The following MRPS9 variants were observed in gnomAD, a reference collection of about 807,000 sequenced individuals.
MRPS9 encodes small ribosomal subunit protein uS9m.
A neutral mutation model predicts 59.9 loss-of-function variants in MRPS9; 45 were observed. The observed-to-expected ratio is 0.75, with a 90% CI of 0.59 to 0.96. The LOEUF is 0.96. Ranked by LOEUF, MRPS9 falls within the 40% of genes least tolerant of loss-of-function variation. The pLI, the probability that MRPS9 is intolerant of heterozygous loss-of-function variation, is 0.00. For missense variants in MRPS9, 473 were observed against 481.1 expected (o/e 0.98, Z 0.16); for synonymous variants, 171 against 166.8 (o/e 1.03, Z -0.19).
At chr2:105,097,995 G>A (rs1169159090) in intron 10 of MRPS9, among the ~76,000 whole-genome samples, 1 of 152,146 alleles carries the variant, frequency 6.6e-6, no homozygotes, top group Non-Finnish European at 1.5e-5. Context: ...ACCACACCTG[G>A]CCTGTCATAG....
At chr2:105,069,268 G>A (rs1010290327) in intron 2 of MRPS9, among the ~76,000 whole-genome samples, 2 of 145,874 alleles carry the variant, frequency 1.4e-5, no homozygotes, top group Non-Finnish European at 3.0e-5. Flanking sequence ...AGGCTGGCGT[G>A]CAATGGCGCG....
At chr2:105,089,730 G>C (rs971302052) in intron 6 of MRPS9, among the ~76,000 whole-genome samples, 190 bp from the exon 7 acceptor site, 1 of 152,144 alleles carries the variant, frequency 6.6e-6, no homozygotes, top group Non-Finnish European at 1.5e-5. Flanking sequence ...TGCTAGAGTA[G>C]ATACCTTTTC....
chr2:105,075,773 C>G (rs538576874), intron 4 of MRPS9, among the ~76,000 whole-genome samples: 1 of 151,808 alleles, frequency 6.6e-6, no homozygotes, highest in Non-Finnish European at 1.5e-5. Context: ...TAAAACATTT[C>G]AATAAAAAAG....
chr2:105,065,251 G>A (rs1275412913), intron 2 of MRPS9, among the ~76,000 whole-genome samples: 1 of 152,170 alleles, frequency 6.6e-6, no homozygotes, highest in Non-Finnish European at 1.5e-5. Flanking sequence ...CAGTGAAGAA[G>A]TGAATCTGTT....
At chr2:105,056,314 A>G (rs1376851433) in intron 2 of MRPS9, among the ~76,000 whole-genome samples, 1 of 152,028 alleles carries the variant, frequency 6.6e-6, no homozygotes, top group Non-Finnish European at 1.5e-5. Context: ...TTAGTAGGAT[A>G]TAGTGAGTAT....
chr2:105,078,748 A>G (rs1188083418), intron 4 of MRPS9, among the ~76,000 whole-genome samples: 2 of 152,246 alleles, frequency 1.3e-5, no homozygotes, highest in Admixed American at 6.5e-5. Context: ...AAAAAACTGT[A>G]GAGAGATAAT....
chr2:105,064,593 A>C (rs6746737), intron 2 of MRPS9, among the ~76,000 whole-genome samples: 32,890 of 152,102 alleles, frequency 0.22, 3,621 homozygotes, highest in Middle Eastern at 0.35. Context: ...GCGATGTGGA[A>C]GCTGAAGGCA....
At chr2:105,085,662 A>G (rs1186553306) in intron 5 of MRPS9, among the ~76,000 whole-genome samples, 2 of 152,190 alleles carry the variant, frequency 1.3e-5, no homozygotes, top group South Asian at 4.1e-4. Context: ...CTCATACATT[A>G]TGGAAATCTG....
intron 10 of MRPS9, 34 bp downstream of exon 10, chr2:105,097,358 A>T (rs768647059): frequency 3.3e-6 from 5 of 1,528,476 alleles, no homozygotes; most frequent in Non-Finnish European, 4.4e-6. Context: ...ATGGTGGCCC[A>T]ATACTGGCTA....
At chr2:105,054,052 T>A (rs1679756952) in intron 2 of MRPS9, among the ~76,000 whole-genome samples, 1 of 152,202 alleles carries the variant, frequency 6.6e-6, no homozygotes, top group Non-Finnish European at 1.5e-5. Flanking sequence ...GTTGAAATGA[T>A]CTTGTAGAAA....
chr2:105,047,657 G>A (rs184525922), intron 1 of MRPS9, among the ~76,000 whole-genome samples: 1 of 152,168 alleles, frequency 6.6e-6, no homozygotes, highest in East Asian at 1.9e-4. Flanking sequence ...CTACAGGTTT[G>A]AGATCTTAAG....
chr2:105,085,455 A>G (rs1442393975), intron 5 of MRPS9, among the ~76,000 whole-genome samples: 1 of 152,154 alleles, frequency 6.6e-6, no homozygotes, highest in African/African-American at 2.4e-5. Flanking sequence ...GACTTTTTCT[A>G]TATCACCTCC....
chr2:105,060,017 TAAA>T (rs10547330), intron 2 of MRPS9, among the ~76,000 whole-genome samples: 20 of 100,584 alleles, frequency 2.0e-4, no homozygotes, highest in African/African-American at 4.8e-4. Context: ...GGAAAACTGC[TAAA>T]AAAAAAAAAA....
At position 105,081,901 on chromosome 2, in the gene MRPS9, C is replaced by T. The variant is rs573123298; in HGVS notation, c.489+1839C>T. On this transcript the variant is annotated intron_variant, in intron 5 of 10. Transcript: ENST00000258455. ...GTGTCATTAATTACAGCTGCAGTCA[C>T]ACCAGCCTAGTTTCCCAGATAACAC... 5.3e-5 allele frequency among the ~76,000 whole-genome samples: 8 copies of T among 152,324 alleles called. No homozygotes were observed. In the South Asian group the frequency reaches 1.7e-3, roughly 32 times the overall value.
intron 7 of MRPS9, among the ~76,000 whole-genome samples, chr2:105,090,792 G>T (rs532774095): frequency 6.6e-6 from 1 of 152,266 alleles, no homozygotes; most frequent in South Asian, 2.1e-4. Flanking sequence ...GATTTTCTTT[G>T]ATGGCGGTGG....
At chr2:105,050,027 G>A (rs946550437) in intron 2 of MRPS9, among the ~76,000 whole-genome samples, 5 of 152,022 alleles carry the variant, frequency 3.3e-5, no homozygotes, top group Non-Finnish European at 7.4e-5. Context: ...GTCATTTTAT[G>A]CACTTTAGTT....
chr2:105,086,127 C>T (rs752360242), intron 5 of MRPS9, among the ~76,000 whole-genome samples: 1 of 152,176 alleles, frequency 6.6e-6, no homozygotes, highest in Non-Finnish European at 1.5e-5. Flanking sequence ...ATACCTCACC[C>T]CCGCTATCAT....
intron 5 of MRPS9, among the ~76,000 whole-genome samples, chr2:105,085,114 G>A (rs1356140495): frequency 6.6e-6 from 1 of 152,020 alleles, no homozygotes; most frequent in Non-Finnish European, 1.5e-5. Flanking sequence ...TTTGTATGTT[G>A]AATGGCATTT....
At chr2:105,089,106 T>A (rs368694249) in intron 6 of MRPS9, 37 bp downstream of exon 6, 3 of 1,524,442 alleles carry the variant, frequency 2.0e-6, no homozygotes, top group Non-Finnish European at 2.7e-6. Flanking sequence ...TAAGTAAAAT[T>A]TGAACTAAAA....
Sources: gnomAD v4.1 joint callset for allele counts (sites outside exome capture counted in the v4.1 genomes callset) on GRCh38, gnomAD v4.1.1 for gene constraint, MANE v1.5 for transcripts, NCBI Gene and HGNC (gene_info 2026-07-23, HGNC 2026-07-21) for gene names.